KCNN2: variants seen among roughly 807,000 people sequenced by gnomAD.
The protein encoded by KCNN2 is potassium calcium-activated channel subfamily N member 2, also known as small conductance calcium-activated potassium channel protein 2.
A neutral mutation model predicts 55.5 loss-of-function variants in KCNN2; 24 were observed. That is an observed-to-expected ratio of 0.43 (90% CI 0.31 to 0.61). The LOEUF (loss-of-function observed/expected upper bound fraction) is 0.61. Ranked by LOEUF, KCNN2 falls within the 20% of genes least tolerant of loss-of-function variation. The pLI is 0.08. For missense variants in KCNN2, 754 were observed against 853.6 expected (o/e 0.88, Z 1.45); for synonymous variants, 431 against 336.1 (o/e 1.28, Z -3.09).
At chr5:114,214,279 G>T (rs551530069) in intron 1 of KCNN2, among the ~76,000 whole-genome samples, 1 of 151,914 alleles carries the variant, frequency 6.6e-6, no homozygotes, top group Non-Finnish European at 1.5e-5. Flanking sequence ...GAATGAGCAT[G>T]GTTGTGATGC....
chr5:114,217,594 A>G (rs1267999773), intron 1 of KCNN2, among the ~76,000 whole-genome samples: 2 of 152,054 alleles, frequency 1.3e-5, no homozygotes, highest in Non-Finnish European at 2.9e-5. Context: ...TGGTTTACCT[A>G]AATTAACTTA....
intron 2 of KCNN2, among the ~76,000 whole-genome samples, chr5:114,312,172 G>T (rs1171251670): frequency 6.6e-6 from 1 of 151,828 alleles, no homozygotes; most frequent in Non-Finnish European, 1.5e-5. Flanking sequence ...ATTCACAAGA[G>T]GGGTGCTGCC....
At chr5:114,283,003 T>G (rs1031092260) in intron 2 of KCNN2, among the ~76,000 whole-genome samples, 4 of 152,200 alleles carry the variant, frequency 2.6e-5, no homozygotes, top group Non-Finnish European at 5.9e-5. Context: ...TTATTGTCTT[T>G]TCTTTTCTGC....
intron 3 of KCNN2, among the ~76,000 whole-genome samples, chr5:114,406,909 C>G (rs559966602): frequency 6.6e-6 from 1 of 152,224 alleles, no homozygotes; most frequent in Non-Finnish European, 1.5e-5. Flanking sequence ...TTAGTCTTCT[C>G]TCATGCTTAA....
At chr5:114,058,258 ATGTG>A (rs1320332213) in intron 1 of KCNN2, among the ~76,000 whole-genome samples, 1 of 151,856 alleles carries the variant, frequency 6.6e-6, no homozygotes, top group Non-Finnish European at 1.5e-5. Flanking sequence ...GTGTGTGTGT[ATGTG>A]TGTATGTCTG....
At chr5:114,369,956 G>A (rs985827835) in intron 2 of KCNN2, among the ~76,000 whole-genome samples, 3 of 152,078 alleles carry the variant, frequency 2.0e-5, no homozygotes, top group African/African-American at 2.4e-5. Flanking sequence ...GGCAGCCTGC[G>A]TTGATTTAAC....
chr5:114,325,019 G>C (rs528985654), intron 2 of KCNN2, among the ~76,000 whole-genome samples: 6 of 152,302 alleles, frequency 3.9e-5, no homozygotes, highest in African/African-American at 1.4e-4. Flanking sequence ...TAAGGAACTT[G>C]TTATTGCAAG....
At chr5:114,333,668 T>C (rs2150033979) in intron 2 of KCNN2, among the ~76,000 whole-genome samples, 1 of 152,186 alleles carries the variant, frequency 6.6e-6, no homozygotes, top group African/African-American at 2.4e-5. Context: ...GAAGTGTTCT[T>C]ATTTTAAATG....
chr5:114,100,115 C>A (rs1751344041), intron 1 of KCNN2, among the ~76,000 whole-genome samples: 3 of 151,782 alleles, frequency 2.0e-5, no homozygotes, highest in Admixed American at 1.3e-4. Context: ...AGGAATGAGA[C>A]CTGAGTGTAA....
intron 2 of KCNN2, chr5:114,253,391 A>G (rs953436152): frequency 1.3e-5 from 2 of 152,228 alleles, no homozygotes; most frequent in African/African-American, 4.8e-5. Context: ...AGAGAAAAGT[A>G]AAACAGGTAA....
At chr5:114,112,187 A>G (rs1401633734) in intron 1 of KCNN2, among the ~76,000 whole-genome samples, 1 of 152,192 alleles carries the variant, frequency 6.6e-6, no homozygotes, top group Non-Finnish European at 1.5e-5. Context: ...AGGGACATGG[A>G]TGAAGCTGGA....
At chr5:114,367,283 C>T (rs1479398814) in intron 2 of KCNN2, among the ~76,000 whole-genome samples, 2 of 152,170 alleles carry the variant, frequency 1.3e-5, no homozygotes, top group African/African-American at 4.8e-5. Context: ...CAGCTCAGTG[C>T]ACCAGGCAAC....
At chr5:114,291,611 C>G (rs1755890281) in intron 2 of KCNN2, among the ~76,000 whole-genome samples, 1 of 152,156 alleles carries the variant, frequency 6.6e-6, no homozygotes, top group Non-Finnish European at 1.5e-5. Flanking sequence ...TGGGTTGGTT[C>G]CAAGTCTTTT....
intron 2 of KCNN2, among the ~76,000 whole-genome samples, chr5:114,379,215 C>T (rs1758028073): frequency 6.6e-6 from 1 of 151,982 alleles, no homozygotes; most frequent in East Asian, 1.9e-4. Context: ...CCAGGGAAGA[C>T]CCTCGCCATC....
intron 2 of KCNN2, among the ~76,000 whole-genome samples, chr5:114,369,116 A>C (rs192101656): frequency 6.6e-6 from 1 of 152,216 alleles, no homozygotes; most frequent in East Asian, 1.9e-4. Context: ...GGTATTGCCC[A>C]CTAGTCTTCT....
In KCNN2 at chr5:114,322,562, C is replaced by T. The variant is rs377090904; in HGVS notation, c.-184-38383C>T. 6.7e-4 allele frequency among the ~76,000 whole-genome samples: 92 copies of T among 137,060 alleles called. 1 individual carries two copies. In the South Asian group the frequency reaches 0.011, roughly 17 times the overall value. The allele number at this position is 137,060 out of a possible 152,430, so 89.9% of individuals were successfully genotyped here. ...CTGCATGCATACATGTGCACATATG[C>T]ATACACTCCCCCATACACACACACA... On this transcript the variant is annotated intron_variant, in intron 2 of 10. Coordinates refer to the KCNN2 transcript ENST00000512097.
chr5:114,354,344 G>C (rs1757261849), intron 2 of KCNN2, among the ~76,000 whole-genome samples: 1 of 151,936 alleles, frequency 6.6e-6, no homozygotes, highest in African/African-American at 2.4e-5. Context: ...TTATAGTTCA[G>C]AGTTGGGCAT....
intron 1 of KCNN2, among the ~76,000 whole-genome samples, chr5:114,214,651 G>A (rs757058209): frequency 2.6e-5 from 4 of 152,088 alleles, no homozygotes; most frequent in Non-Finnish European, 5.9e-5. Flanking sequence ...TCATTGCTGT[G>A]TTCTTTTGGG....
chr5:114,159,611 C>G (rs1015730418), intron 1 of KCNN2, among the ~76,000 whole-genome samples: 1 of 152,108 alleles, frequency 6.6e-6, no homozygotes, highest in Non-Finnish European at 1.5e-5. Flanking sequence ...TGGTAGAATT[C>G]AGCTGTGAGT....
Sources: allele counts gnomAD v4.1 joint callset (sites outside exome capture counted in the v4.1 genomes callset), GRCh38; gene constraint gnomAD v4.1.1; transcripts MANE v1.5; gene names NCBI Gene and HGNC (gene_info 2026-07-23, HGNC 2026-07-21).